Variants in OPN4 observed in about 807,000 individuals in gnomAD.
OPN4 encodes melanopsin.
Under a neutral mutation model 49.5 loss-of-function variants are expected in OPN4, and 43 were observed. That is an observed-to-expected ratio of 0.87 (90% confidence interval 0.68 to 1.12). OPN4 has a LOEUF of 1.12. Ranked by LOEUF, OPN4 falls within the 50% of genes most tolerant of loss-of-function variation. The pLI is 0.00. For synonymous variants in OPN4, 263 were observed against 258.0 expected (o/e 1.02, Z -0.19); for missense variants, 657 against 643.9 (o/e 1.02, Z -0.22).
Position 86,662,406 on chromosome 10 carries a change from G to T in OPN4, c.1228G>T (p.Glu410Ter). The T allele has an allele frequency of 6.4e-7, 1 of 1,557,520 alleles. No individual in the cohort carries two copies. The highest frequency in any genetic ancestry group is 8.7e-7 in the Non-Finnish European group (1 of 1,152,212). ...CTGGATCTCCATACGGAGGCGCCAG[G>T]AGTCCCTGGGCTCGGAGAGTGAGGT... is the stretch of plus-strand genomic sequence containing the variant. Reference protein sequence around the residue: ...LSWISIRRRQESLGSESEVGW... With the variant: ...LSWISIRRRQ The change falls in exon 8 of 10, where the codon GAG becomes TAG. Residue 410 changes from glutamate to a stop codon, truncating the protein, a stop_gained. Coordinates refer to ENST00000241891, the MANE Select transcript of OPN4 (RefSeq NM_033282.4). LOFTEE classifies it high-confidence loss of function.
Position 86,663,761 on chromosome 10 carries a change from C to T in OPN4, c.1357C>T (p.Pro453Ser), listed in dbSNP as rs1410430672. The T allele has an allele frequency of 2.6e-6, 4 of 1,559,432 alleles. No individual in the cohort carries two copies. Among genetic ancestry groups the T allele is most frequent in the Admixed American group, 1.9e-5 (1 of 52,168 alleles). ...TCTGGAGGACTTGGAAGCCAAGGCA[C>T]CCCCCAGACCCCAGGGACACGAAGC... is the stretch of plus-strand genomic sequence containing the variant. Reference protein sequence around the residue: ...QGLEDLEAKAPPRPQGHEAET... With the variant: ...QGLEDLEAKASPRPQGHEAET... The change falls in exon 9 of 10, where the codon CCC becomes TCC. Residue 453 changes from proline (P) to serine (S), a missense_variant. Physicochemically the swap from Pro to Ser is moderately conservative, Grantham distance 74 (BLOSUM62 -1). Transcript: ENST00000241891.
chr10:86,656,368 C>T, intron 2 of OPN4, 68 bp downstream of exon 2: 2 of 1,522,374 alleles, frequency 1.3e-6, no homozygotes, highest in Admixed American at 2.0e-5. Flanking sequence ...GAAGAAAATG[C>T]AGGCAGGAAT....
chr10:86,656,584 C>T (rs35362046), intron 2 of OPN4, among the ~76,000 whole-genome samples: 1 of 152,028 alleles, frequency 6.6e-6, no homozygotes, highest in African/African-American at 2.4e-5. Flanking sequence ...GGTCTCTGAC[C>T]ATTCTGCCCT....
In OPN4 at chr10:86,665,840, C is replaced by T. The variant is rs1844159356; in HGVS notation, c.*89C>T. ...CACAGACCCAGGATTATGCTGTGAGCCTGCAGGCTTTGGAAGTGGCCCTGT... is the reference window on the plus strand; with the variant it reads ...CACAGACCCAGGATTATGCTGTGAGTCTGCAGGCTTTGGAAGTGGCCCTGT... On this transcript the variant is annotated 3_prime_UTR_variant, in exon 10 of 10. Transcript: ENST00000241891. 9.1e-7 allele frequency: 1 copy of T among 1,100,338 alleles called. No homozygotes were observed. Among genetic ancestry groups the T allele is most frequent in the African/African-American group, 1.5e-5 (1 of 64,838 alleles). 68.2% of individuals were successfully genotyped at this position (1,100,338 alleles called of 1,614,324 possible). A position where few individuals can be genotyped will look rare whatever the true frequency, so the allele number is the denominator to read the frequency against.
Position 86,654,771 on chromosome 10 carries a change from A to G in OPN4, c.-13A>G, listed in dbSNP as rs760136866. 3.3e-5 allele frequency: 53 copies of G among 1,607,192 alleles called. No individual in the cohort carries two copies. The South Asian group carries it at 5.4e-4, about 16-fold the overall frequency. On this transcript the variant is annotated 5_prime_UTR_variant, in exon 1 of 10. Coordinates refer to ENST00000241891, the MANE Select transcript of OPN4 (RefSeq NM_033282.4). ...TTCTCTGTGGGCTCGAGCAAGGACC[A>G]TCCCAACTCAGGATGAACCCTCCTT... is the stretch of plus-strand genomic sequence containing the variant.
At position 86,662,225 on chromosome 10, in the gene OPN4, C is replaced by A. The variant is rs755420322; in HGVS notation, c.1074-27C>A. 4.4e-6 allele frequency: 7 copies of A among 1,600,468 alleles called. No individual in the cohort carries two copies. The South Asian group carries it at 5.6e-5, about 13-fold the overall frequency. On this transcript the variant is annotated intron_variant, in intron 7 of 9. Coordinates refer to ENST00000241891, the MANE Select transcript of OPN4 (RefSeq NM_033282.4). The stretch of plus-strand genomic sequence containing the variant: ...CTGCATCTGTCTGCCCATCCCCTGG[C>A]CCTAATCAGATGTGCGGCCCCTGCA...
At chr10:86,657,497 A>G (rs1843899150) in intron 2 of OPN4, among the ~76,000 whole-genome samples, 2 of 152,266 alleles carry the variant, frequency 1.3e-5, no homozygotes, top group South Asian at 4.2e-4. Flanking sequence ...GGGTCCAGGC[A>G]GGACGTGACA....
At chr10:86,658,463 G>A in intron 3 of OPN4, 21 bp from the exon 4 acceptor site, 1 of 1,613,478 alleles carries the variant, frequency 6.2e-7, no homozygotes, top group Non-Finnish European at 8.5e-7. Context: ...CCAGGACTCA[G>A]AGCAGGGGCT....
chr10:86,654,953 C>A, intron 1 of OPN4, 26 bp downstream of exon 1: 1 of 1,608,718 alleles, frequency 6.2e-7, no homozygotes, highest in Non-Finnish European at 8.5e-7. Context: ...CATGTGCATG[C>A]ACAGAGCCTT....
At chr10:86,658,831 G>A (rs1843933566) in intron 4 of OPN4, 144 bp downstream of exon 4, 1 of 771,126 alleles carries the variant, frequency 1.3e-6, no homozygotes, top group African/African-American at 1.7e-5. Flanking sequence ...GGACATTCAG[G>A]GGACATGACT....
At chr10:86,659,816 G>A (rs1404094966) in intron 5 of OPN4, 79 bp from the exon 6 acceptor site, 1 of 1,464,738 alleles carries the variant, frequency 6.8e-7, no homozygotes, top group Non-Finnish European at 9.5e-7. Flanking sequence ...AGTCCAGAGA[G>A]GCTCCCCAAC....
Position 86,661,365 on chromosome 10 carries a change from C to T in OPN4, c.1050C>T (p.Tyr350=), listed in dbSNP as rs751996931. Reference sequence around the variant, plus strand: ...CTGCAATCCACAACCCCATCATTTACGCCATCACCCACCCCAAGTACAGGT... The same window carrying T: ...CTGCAATCCACAACCCCATCATTTATGCCATCACCCACCCCAAGTACAGGT... ...KASAIHNPII[Y]AITHPKYRVA... is the part of the protein sequence containing the mutation. Residue 350 remains tyrosine (Y), a synonymous_variant, in exon 7 of 10, where the codon TAC becomes TAT. Transcript: ENST00000241891. 1.4e-5 allele frequency: 22 copies of T among 1,613,862 alleles called. No homozygotes were observed. The East Asian group carries it at 2.9e-4, about 21-fold the overall frequency.
At chr10:86,657,895 T>C in intron 2 of OPN4, 137 bp from the exon 3 acceptor site, 2 of 914,826 alleles carry the variant, frequency 2.2e-6, no homozygotes, top group Non-Finnish European at 3.3e-6. Flanking sequence ...AGCTCGTGCC[T>C]GTTTGCTTGC....
At position 86,659,724 on chromosome 10, in the gene OPN4, C is replaced by A. The variant is rs112299018; in HGVS notation, c.801-171C>A. ...AAGAGGGAGTAGGGGGCAGCTGAGA[C>A]CTCATGTCACAGAAAACTTTCTGGA... On this transcript the variant is annotated intron_variant, in intron 5 of 9. Coordinates refer to ENST00000241891, the MANE Select transcript of OPN4 (RefSeq NM_033282.4). Among the ~76,000 whole-genome samples the A allele has an allele frequency of 4.5e-4, 68 of 152,296 alleles. 1 individual carries two copies. The highest frequency in any genetic ancestry group is 1.5e-3 in the African/African-American group (61 of 41,562).
rs1843821693 is a variant in OPN4 at position 86,654,624 on chromosome 10, C to T, written c.-160C>T. On this transcript the variant is annotated 5_prime_UTR_variant, in exon 1 of 10. Transcript: ENST00000241891. Reference sequence around the variant, plus strand: ...GCAACCGCCAGCCCCAAGAGCAGCTCCAGGCTGGATCTGCGCCGGACACAG... The same window carrying T: ...GCAACCGCCAGCCCCAAGAGCAGCTTCAGGCTGGATCTGCGCCGGACACAG... The T allele has an allele frequency of 4.0e-6, 4 of 998,242 alleles. No individual in the cohort carries two copies. The highest frequency in any genetic ancestry group is 5.8e-6 in the Non-Finnish European group (4 of 686,568). 61.8% of individuals were successfully genotyped at this position (998,242 alleles called of 1,614,324 possible). A position where few individuals can be genotyped will look rare whatever the true frequency, so the allele number is the denominator to read the frequency against.
chr10:86,664,263 G>C (rs1844089938), intron 9 of OPN4, among the ~76,000 whole-genome samples: 1 of 152,202 alleles, frequency 6.6e-6, no homozygotes, highest in East Asian at 1.9e-4. Context: ...TCTGCTTTAA[G>C]CTGTGCATGT....
chr10:86,657,314 T>C (rs1843892391), intron 2 of OPN4: 1 of 749,160 alleles, frequency 1.3e-6, no homozygotes, highest in South Asian at 1.4e-5. Context: ...AGTGGGAGCA[T>C]CTTGTCTGGA....
intron 1 of OPN4, 69 bp from the exon 2 acceptor site, chr10:86,656,086 T>C (rs768601600): frequency 4.4e-6 from 7 of 1,601,036 alleles, no homozygotes; most frequent in Non-Finnish European, 6.0e-6. Flanking sequence ...ATCCTAACTC[T>C]TCCTTCTCAG....
In OPN4 at chr10:86,663,134, C is replaced by T. The variant is rs1466090391; in HGVS notation, c.1255-525C>T. 3.3e-5 allele frequency among the ~76,000 whole-genome samples: 5 copies of T among 152,194 alleles called. No individual in the cohort carries two copies. In the East Asian group the frequency reaches 5.8e-4, roughly 18 times the overall value. ...CCCCTAGATGTCCCCAGGAAAGCTC[C>T]GTGCGCCACCGGCTCCTGTTCCCAC... On this transcript the variant is annotated intron_variant, in intron 8 of 9. Transcript: ENST00000241891.
Sources: gnomAD v4.1 joint callset for allele counts (sites outside exome capture counted in the v4.1 genomes callset) on GRCh38, gnomAD v4.1.1 for gene constraint, MANE v1.5 for transcripts, NCBI Gene and HGNC (gene_info 2026-07-23, HGNC 2026-07-21) for gene names.